The following STXBP5L variants were observed in gnomAD, a reference collection of about 807,000 sequenced individuals.
STXBP5L encodes the protein syntaxin binding protein 5L, also known as syntaxin-binding protein 5-like.
STXBP5L carries 65 observed loss-of-function variants against 144.5 expected under a neutral mutation model. That is an observed-to-expected ratio of 0.45 (90% confidence interval 0.37 to 0.55). STXBP5L has a LOEUF of 0.55. Among genes scored for constraint, STXBP5L ranks in the 20% least tolerant of loss-of-function variants. The probability of loss-of-function intolerance (pLI) is 0.00; values close to 1 mark genes in which losing one functional copy is unlikely to be tolerated. For synonymous variants in STXBP5L, 505 were observed against 469.6 expected (o/e 1.08, Z -0.97); for missense variants, 1,298 against 1,405.5 (o/e 0.92, Z 1.22).
chr3:120,928,591 G>A (rs1332677271), intron 2 of STXBP5L, among the ~76,000 whole-genome samples: 1 of 151,644 alleles, frequency 6.6e-6, no homozygotes, highest in Non-Finnish European at 1.5e-5. Context: ...CATAGCTTAT[G>A]CTTACATGTT....
At chr3:121,051,996 T>G (rs1033734596) in intron 5 of STXBP5L, among the ~76,000 whole-genome samples, 1 of 152,128 alleles carries the variant, frequency 6.6e-6, no homozygotes, top group African/African-American at 2.4e-5. Flanking sequence ...ATGGATAAAT[T>G]CCTGGACACA....
chr3:121,015,212 C>A (rs1459585276), intron 3 of STXBP5L, among the ~76,000 whole-genome samples: 1 of 151,890 alleles, frequency 6.6e-6, no homozygotes, highest in African/African-American at 2.4e-5. Context: ...AGAAGTTGAC[C>A]CAGCTAGGGA....
intron 3 of STXBP5L, among the ~76,000 whole-genome samples, chr3:121,028,849 A>T (rs1946155710): frequency 6.6e-6 from 1 of 152,088 alleles, no homozygotes; most frequent in Non-Finnish European, 1.5e-5. Context: ...CAACTGCCAT[A>T]TAAGTTGTGG....
intron 3 of STXBP5L, among the ~76,000 whole-genome samples, chr3:121,040,899 G>A (rs148349419): frequency 6.6e-6 from 1 of 152,066 alleles, no homozygotes; most frequent in South Asian, 2.1e-4. Context: ...TTTATGTGGT[G>A]AATAAATCTG....
intron 2 of STXBP5L, among the ~76,000 whole-genome samples, chr3:120,949,892 T>C (rs1711092368): frequency 6.6e-6 from 1 of 151,568 alleles, no homozygotes; most frequent in Admixed American, 6.6e-5. Flanking sequence ...TCTTTGATGG[T>C]GTCCTTTATA....
At chr3:121,020,449 G>A (rs1317741992) in intron 3 of STXBP5L, among the ~76,000 whole-genome samples, 1 of 152,102 alleles carries the variant, frequency 6.6e-6, no homozygotes, top group Non-Finnish European at 1.5e-5. Flanking sequence ...TAATCACCTA[G>A]ACACATAGTT....
At chr3:121,092,697 C>G (rs1054693284) in intron 5 of STXBP5L, among the ~76,000 whole-genome samples, 2 of 152,100 alleles carry the variant, frequency 1.3e-5, no homozygotes, top group African/African-American at 4.8e-5. Context: ...TTTCTAGATA[C>G]ACAATCATGT....
intron 3 of STXBP5L, among the ~76,000 whole-genome samples, chr3:121,025,902 T>C (rs1021935239): frequency 4.8e-5 from 7 of 145,848 alleles, no homozygotes; most frequent in Non-Finnish European, 1.5e-5. Flanking sequence ...AATATATAAA[T>C]TATATAAATT....
intron 22 of STXBP5L, among the ~76,000 whole-genome samples, chr3:121,383,186 C>G (rs1346657033): frequency 6.6e-6 from 1 of 151,974 alleles, no homozygotes; most frequent in African/African-American, 2.4e-5. Flanking sequence ...CCTATAATCC[C>G]AGCACTTTGG....
At chr3:121,297,354 T>G (rs145470860) in intron 19 of STXBP5L, among the ~76,000 whole-genome samples, 4 of 152,088 alleles carry the variant, frequency 2.6e-5, no homozygotes, top group Admixed American at 2.6e-4. Flanking sequence ...AGCAGAAAAT[T>G]GTGACTCATA....
At chr3:121,270,264 G>A (rs1217087670) in intron 18 of STXBP5L, among the ~76,000 whole-genome samples, 1 of 146,954 alleles carries the variant, frequency 6.8e-6, no homozygotes, top group Non-Finnish European at 1.5e-5. Flanking sequence ...CATAAGCATA[G>A]TGTATTTTTT....
intron 5 of STXBP5L, among the ~76,000 whole-genome samples, chr3:121,066,608 G>A (rs1477697930): frequency 6.6e-6 from 1 of 151,840 alleles, no homozygotes; most frequent in Non-Finnish European, 1.5e-5. Context: ...ATATATGCTG[G>A]GTTTGCTAAT....
chr3:121,191,090 A>G (rs1248448498), intron 9 of STXBP5L, among the ~76,000 whole-genome samples: 1 of 151,696 alleles, frequency 6.6e-6, no homozygotes, highest in Non-Finnish European at 1.5e-5. Context: ...CTCACATCCC[A>G]GACGATGGGC....
At position 121,157,653 on chromosome 3, in the gene STXBP5L, T is replaced by A. The variant is rs375817705; in HGVS notation, c.877+26T>A. 3.9e-5 allele frequency: 61 copies of A among 1,581,480 alleles called. No individual in the cohort carries two copies. In the African/African-American group the frequency reaches 8.4e-4, roughly 22 times the overall value. On this transcript the variant is annotated intron_variant, in intron 9 of 26. Transcript: ENST00000471454. ...GTAAGATGTATGCTTTCAAAAGGAA[T>A]AAACACTGGCAATTCAGTGCCTTGA...
intron 19 of STXBP5L, among the ~76,000 whole-genome samples, chr3:121,306,594 G>T (rs192370665): frequency 2.1e-4 from 32 of 152,268 alleles, no homozygotes; most frequent in Admixed American, 1.9e-3. Flanking sequence ...TCCCCAAAGT[G>T]ACTAGCCTTA....
At chr3:121,355,626 T>A (rs1263755006) in intron 20 of STXBP5L, among the ~76,000 whole-genome samples, 1 of 152,182 alleles carries the variant, frequency 6.6e-6, no homozygotes, top group Non-Finnish European at 1.5e-5. Flanking sequence ...TGTGATGGGT[T>A]CTAACCTGCT....
At chr3:121,241,461 C>A (rs2049668601) in intron 14 of STXBP5L, among the ~76,000 whole-genome samples, 1 of 151,964 alleles carries the variant, frequency 6.6e-6, no homozygotes, top group African/African-American at 2.4e-5. Context: ...CCAACTCACT[C>A]CAGTAAAAGC....
At position 120,964,970 on chromosome 3, in the gene STXBP5L, A is replaced by G. The variant is rs538581195; in HGVS notation, c.287+9933A>G. On this transcript the variant is annotated intron_variant, in intron 3 of 26. Coordinates refer to ENST00000471454, the MANE Select transcript of STXBP5L (RefSeq NM_001308330.2). ...CTGGGTGCTCCTGTTTTGGGTGCAT[A>G]TATATTTACAGTAGTTAGCTCTTCT... Among the ~76,000 whole-genome samples the G allele has an allele frequency of 3.3e-5, 5 of 152,246 alleles. No homozygotes were observed. The East Asian group carries it at 9.7e-4, about 29-fold the overall frequency.
chr3:121,005,617 T>G (rs1944223332), intron 3 of STXBP5L, among the ~76,000 whole-genome samples: 1 of 152,214 alleles, frequency 6.6e-6, no homozygotes, highest in Non-Finnish European at 1.5e-5. Context: ...TTGCTCTTGC[T>G]TTTCTAGTTC....
Sources: allele counts gnomAD v4.1 joint callset (sites outside exome capture counted in the v4.1 genomes callset), GRCh38; gene constraint gnomAD v4.1.1; transcripts MANE v1.5; gene names NCBI Gene and HGNC (gene_info 2026-07-23, HGNC 2026-07-21).